Variants in CHRND observed in about 807,000 individuals in gnomAD.
CHRND encodes cholinergic receptor nicotinic delta subunit.
Under a neutral mutation model 57.8 loss-of-function variants are expected in CHRND, and 40 were observed. The observed-to-expected ratio is 0.69, with a 90% CI of 0.54 to 0.90. The LOEUF (loss-of-function observed/expected upper bound fraction) is 0.90. Ranked by LOEUF, CHRND falls within the 40% of genes least tolerant of loss-of-function variation. The pLI is 0.00. For synonymous variants in CHRND, 237 were observed against 270.6 expected (o/e 0.88, Z 1.22); for missense variants, 634 against 673.9 (o/e 0.94, Z 0.66).
At position 232,535,464 on chromosome 2, in the gene CHRND, G is replaced by C. The variant is rs748256576; in HGVS notation, c.*152G>C. The C allele has an allele frequency of 5.2e-6, 5 of 953,538 alleles. No homozygotes were observed. The highest frequency in any genetic ancestry group is 4.0e-5 in the Admixed American group (2 of 50,552). The allele number at this position is 953,538 out of a possible 1,614,324, so 59.1% of individuals were successfully genotyped here. A position where few individuals can be genotyped will look rare whatever the true frequency, so the allele number is the denominator to read the frequency against. On this transcript the variant is annotated 3_prime_UTR_variant, in exon 12 of 12. Transcript: ENST00000258385. Reference sequence around the variant, plus strand: ...AGCAGCCACTCCTCAATGCTCAATGGCTCCCCTGAAATCAAGACAGGGGCC... The same window carrying C: ...AGCAGCCACTCCTCAATGCTCAATGCCTCCCCTGAAATCAAGACAGGGGCC...
chr2:232,527,480 C>A (rs776711881), intron 3 of CHRND, 35 bp downstream of exon 3: 1 of 1,567,194 alleles, frequency 6.4e-7, no homozygotes, highest in Non-Finnish European at 8.8e-7. Flanking sequence ...CGCAGTGGCT[C>A]ATGCCTGTAA....
In CHRND at chr2:232,528,892, C is replaced by G; in HGVS notation, c.540C>G (p.Thr180=). 1 of 1,614,108 alleles carries G rather than the reference C, an allele frequency of 6.2e-7. No individual in the cohort carries two copies. The stretch of plus-strand genomic sequence containing the variant: ...TCAAGTATACGGCCAAAGAGATCAC[C>G]CTGAGCCTGAAACAGGATGCCAAGG... The part of the protein sequence containing the change: ...SSLKYTAKEI[T]LSLKQDAKEN... Residue 180 remains threonine, a synonymous_variant, in exon 6 of 12, where the codon ACC becomes ACG. Coordinates refer to ENST00000258385, the MANE Select transcript of CHRND (RefSeq NM_000751.3).
chr2:232,531,946 CAAAAAAAA>C (rs778006115), intron 9 of CHRND, among the ~76,000 whole-genome samples: 17 of 46,040 alleles, frequency 3.7e-4, no homozygotes, highest in East Asian at 1.2e-3. Flanking sequence ...GACCTTGTCT[CAAAAAAAA>C]AAAAAAAAAA....
At chr2:232,529,875 C>A in intron 6 of CHRND, 64 bp from the exon 7 acceptor site, 1 of 1,566,956 alleles carries the variant, frequency 6.4e-7, no homozygotes, top group Non-Finnish European at 8.7e-7. Flanking sequence ...CTCATTCTGT[C>A]CCCAGGCCCT....
chr2:232,531,946 C>CA (rs778006115), intron 9 of CHRND, among the ~76,000 whole-genome samples: 4,993 of 46,070 alleles, frequency 0.11, 905 homozygotes, highest in African/African-American at 0.18. Flanking sequence ...GACCTTGTCT[C>CA]AAAAAAAAAA....
intron 9 of CHRND, among the ~76,000 whole-genome samples, chr2:232,532,639 C>T (rs1691748806): frequency 2.0e-5 from 3 of 152,162 alleles, no homozygotes; most frequent in Non-Finnish European, 1.5e-5. Context: ...CACAGTGTTC[C>T]GTGAAAGAAA....
At position 232,528,493 on chromosome 2, in the gene CHRND, TC is replaced by T; in HGVS notation, c.354-3del. On this transcript the variant is annotated splice_polypyrimidine_tract_variant and splice_region_variant and intron_variant, in intron 4 of 11. Transcript: ENST00000258385. ...GAGCTCACTATGGTTCTTGTCCCTG[TC>T]CCCCAGCAATGACGGCTCCTTCCAG... 2 of 1,613,930 alleles carry T rather than the reference TC, an allele frequency of 1.2e-6. No individual in the cohort carries two copies. The highest frequency in any genetic ancestry group is 1.7e-6 in the Non-Finnish European group (2 of 1,179,990).
chr2:232,528,265 TG>T lies in CHRND; in HGVS notation c.249del (p.Trp83Ter), dbSNP rs1383559519. 1 of 1,614,052 alleles carries T rather than the reference TG, an allele frequency of 6.2e-7. No homozygotes were observed. The highest frequency in any genetic ancestry group is 1.3e-5 in the African/African-American group (1 of 74,914). The stretch of plus-strand genomic sequence containing the variant: ...TGACATGCCTTTGGGATTCCAGGGC[TG>T]GACAGACAACCGGCTGAAGTGGAAT... Reference protein sequence around the residue: ...LTTNVWIEHGWTDNRLKWNAE... With the variant: ...LTTNVWIEHGXTDNRLKWNAE... On this transcript the variant is annotated frameshift_variant, in exon 4 of 12. Transcript: ENST00000258385. LOFTEE classifies it high-confidence loss of function.
At chr2:232,533,387 T>G (rs1691775712) in intron 9 of CHRND, among the ~76,000 whole-genome samples, 1 of 152,136 alleles carries the variant, frequency 6.6e-6, no homozygotes, top group Non-Finnish European at 1.5e-5. Context: ...TTTACCTTAG[T>G]TTTTGGTCTT....
chr2:232,530,803 G>C (rs1365496269), intron 7 of CHRND, among the ~76,000 whole-genome samples: 1 of 152,104 alleles, frequency 6.6e-6, no homozygotes, highest in Non-Finnish European at 1.5e-5. Flanking sequence ...GGCCAGGCAG[G>C]GGCTGAAGGG....
At position 232,533,987 on chromosome 2, in the gene CHRND, AC is replaced by A. The variant is rs1223709952; in HGVS notation, c.1107del (p.Ser370AlafsTer66). Reference protein sequence around the residue: ...LHMSRPAEDGPSPGALVRRSS... With the variant: ...LHMSRPAEDGXSPGALVRRSS... Reference sequence around the variant, plus strand: ...ACATGTCCCGCCCAGCAGAGGATGGACCCAGCCCTGGGGCCCTGGTGCGGAG... The same window carrying A: ...ACATGTCCCGCCCAGCAGAGGATGGACCAGCCCTGGGGCCCTGGTGCGGAG... On this transcript the variant is annotated frameshift_variant, in exon 10 of 12. Transcript: ENST00000258385. LOFTEE classifies it high-confidence loss of function. 3.7e-6 allele frequency: 6 copies of A among 1,613,770 alleles called. No individual in the cohort carries two copies. The highest frequency in any genetic ancestry group is 1.1e-5 in the South Asian group (1 of 91,066).
intron 9 of CHRND, among the ~76,000 whole-genome samples, chr2:232,532,595 G>A (rs566051836): frequency 5.9e-5 from 9 of 152,256 alleles, no homozygotes; most frequent in Admixed American, 1.3e-4. Flanking sequence ...AAGCACCTGC[G>A]GCTGCTGCAG....
chr2:232,527,006 G>T (rs1238987581), intron 2 of CHRND, among the ~76,000 whole-genome samples: 1 of 152,220 alleles, frequency 6.6e-6, no homozygotes, highest in Non-Finnish European at 1.5e-5. Flanking sequence ...AATTGACAGT[G>T]GGTGAATGTA....
At position 232,535,983 on chromosome 2, in the gene CHRND, C is replaced by A; in HGVS notation, c.*671C>A. On this transcript the variant is annotated 3_prime_UTR_variant, in exon 12 of 12. Coordinates refer to ENST00000258385, the MANE Select transcript of CHRND (RefSeq NM_000751.3). Reference sequence around the variant, plus strand: ...CACCTCTCCCCAAAGGGTCCCTGCCCCCCAGCACCTACTCCTCTCCAAATT... The same window carrying A: ...CACCTCTCCCCAAAGGGTCCCTGCCACCCAGCACCTACTCCTCTCCAAATT... 2.2e-6 allele frequency: 1 copy of A among 454,118 alleles called. No homozygotes were observed. The highest frequency in any genetic ancestry group is 4.4e-6 in the Non-Finnish European group (1 of 226,798). 28.1% of individuals were successfully genotyped at this position (454,118 alleles called of 1,614,324 possible).
At chr2:232,533,712 T>C (rs765113931) in intron 9 of CHRND, among the ~76,000 whole-genome samples, 4 of 152,116 alleles carry the variant, frequency 2.6e-5, no homozygotes, top group Non-Finnish European at 5.9e-5. Flanking sequence ...ACCCCATCTC[T>C]ACTAAAAATA....
rs763720452 is a variant in CHRND, at chr2:232,534,359, T to C, written c.1371+17T>C. 22 of 1,610,884 alleles carry C rather than the reference T, an allele frequency of 1.4e-5. No homozygotes were observed. In the South Asian group the frequency reaches 2.0e-4, roughly 14 times the overall value. ...TACAATGAGGTAAGGGACCACAGGA[T>C]TGCCATGTACAGGTGTTCAAGTAGG... On this transcript the variant is annotated intron_variant, in intron 11 of 11. Transcript: ENST00000258385.
intron 11 of CHRND, 121 bp downstream of exon 11, chr2:232,534,463 T>C (rs1233153369): frequency 6.8e-6 from 7 of 1,026,306 alleles, no homozygotes; most frequent in Non-Finnish European, 3.0e-6. Context: ...AGGGAGTTAA[T>C]GTGACACAGA....
At chr2:232,530,349 G>A (rs1022391111) in intron 7 of CHRND, among the ~76,000 whole-genome samples, 3 of 152,216 alleles carry the variant, frequency 2.0e-5, no homozygotes, top group Non-Finnish European at 4.4e-5. Flanking sequence ...ACAGGGCAGG[G>A]CATCTCCAAG....
intron 9 of CHRND, among the ~76,000 whole-genome samples, chr2:232,533,467 T>C (rs1264124814): frequency 6.6e-6 from 1 of 152,224 alleles, no homozygotes; most frequent in Non-Finnish European, 1.5e-5. Flanking sequence ...GGAAGCAACC[T>C]GCATGTGCAT....
Sources: gnomAD v4.1 joint callset for allele counts (sites outside exome capture counted in the v4.1 genomes callset) on GRCh38, gnomAD v4.1.1 for gene constraint, MANE v1.5 for transcripts, NCBI Gene and HGNC (gene_info 2026-07-23, HGNC 2026-07-21) for gene names.